The following NTNG1 variants were observed in gnomAD, a reference collection of about 807,000 sequenced individuals.
NTNG1 encodes netrin G1, also known as netrin-G1.
Under a neutral mutation model 54.0 loss-of-function variants are expected in NTNG1, and 16 were observed. That is an observed-to-expected ratio of 0.30 (90% CI 0.20 to 0.45). The LOEUF (loss-of-function observed/expected upper bound fraction) is 0.45, where lower values mean the gene tolerates loss of function less well. NTNG1 is among the 20% of genes least tolerant of loss of function. NTNG1 has a pLI of 1.00. For missense variants in NTNG1, 530 were observed against 678.7 expected (o/e 0.78, Z 2.43); for synonymous variants, 255 against 263.1 (o/e 0.97, Z 0.30).
intron 3 of NTNG1, among the ~76,000 whole-genome samples, chr1:107,381,056 G>C (rs568249086): frequency 3.8e-4 from 58 of 152,122 alleles, no homozygotes; most frequent in African/African-American, 1.4e-3. Flanking sequence ...CCTCTATATT[G>C]TGAGTATTAA....
intron 2 of NTNG1, among the ~76,000 whole-genome samples, chr1:107,180,228 C>G (rs10785815): frequency 0.78 from 118,073 of 152,096 alleles, 46,457 homozygotes; most frequent in Middle Eastern, 0.87. Context: ...ATTTTAGATA[C>G]GTATGGAGGT....
intron 2 of NTNG1, among the ~76,000 whole-genome samples, chr1:107,304,388 A>G (rs1256364957): frequency 1.3e-5 from 2 of 152,172 alleles, no homozygotes; most frequent in Middle Eastern, 3.2e-3. Flanking sequence ...AATCAGTTGT[A>G]ACTGAATTTG....
At chr1:107,357,146 GA>G (rs1458320420) in intron 3 of NTNG1, among the ~76,000 whole-genome samples, 3 of 152,144 alleles carry the variant, frequency 2.0e-5, no homozygotes, top group Non-Finnish European at 4.4e-5. Flanking sequence ...ACCCCAGTCA[GA>G]ATTGGCCCTG....
At chr1:107,265,741 T>C (rs1663691553) in intron 2 of NTNG1, among the ~76,000 whole-genome samples, 1 of 152,366 alleles carries the variant, frequency 6.6e-6, no homozygotes, top group South Asian at 2.1e-4. Context: ...TATTCAGTCA[T>C]GTTCCTCTTT....
At chr1:107,436,163 T>C (rs1433101934) in intron 6 of NTNG1, among the ~76,000 whole-genome samples, 1 of 152,208 alleles carries the variant, frequency 6.6e-6, no homozygotes, top group East Asian at 1.9e-4. Context: ...GGTATATGCA[T>C]GAATAAGTTA....
intron 3 of NTNG1, among the ~76,000 whole-genome samples, chr1:107,352,032 G>C (rs1417198866): frequency 6.6e-6 from 1 of 152,236 alleles, no homozygotes; most frequent in Non-Finnish European, 1.5e-5. Context: ...GTGGTGCAAG[G>C]GGTGGGCTCC....
chr1:107,297,212 C>A (rs905231340), intron 2 of NTNG1, among the ~76,000 whole-genome samples: 215 of 71,742 alleles, frequency 3.0e-3, no homozygotes, highest in East Asian at 0.017. Flanking sequence ...TATATATATA[C>A]CATCATATAT....
chr1:107,361,391 A>ATATATTTTTT (rs370815306), intron 3 of NTNG1, among the ~76,000 whole-genome samples: 34 of 87,976 alleles, frequency 3.9e-4, no homozygotes, highest in Non-Finnish European at 4.7e-4. Flanking sequence ...ATATATATAT[A>ATATATTTTTT]TTTTTTTTTT....
chr1:107,416,200 G>A (rs954200182), intron 5 of NTNG1, among the ~76,000 whole-genome samples: 1 of 151,964 alleles, frequency 6.6e-6, no homozygotes, highest in Non-Finnish European at 1.5e-5. Context: ...ATAAAATTTT[G>A]TCCCACTGGA....
At chr1:107,169,718 G>A (rs761108713) in intron 2 of NTNG1, among the ~76,000 whole-genome samples, 6 of 152,156 alleles carry the variant, frequency 3.9e-5, no homozygotes, top group East Asian at 1.9e-4. Flanking sequence ...CCCCCAGGAC[G>A]CCTTGCACTA....
chr1:107,292,282 C>T (rs1665656357), intron 2 of NTNG1, among the ~76,000 whole-genome samples: 1 of 152,120 alleles, frequency 6.6e-6, no homozygotes, highest in South Asian at 2.1e-4. Context: ...GAAAATTCGA[C>T]TGAGGGGCAT....
chr1:107,195,596 AACACACACACAGGCAGAC>A (rs1226056933), intron 2 of NTNG1, among the ~76,000 whole-genome samples: 1 of 151,466 alleles, frequency 6.6e-6, no homozygotes, highest in Non-Finnish European at 1.5e-5. Context: ...TGACTTCCTA[AACACACACACAGGCAGAC>A]ACACACACAC....
intron 2 of NTNG1, among the ~76,000 whole-genome samples, chr1:107,154,694 C>T (rs1378752227): frequency 5.5e-5 from 8 of 146,224 alleles, no homozygotes; most frequent in Non-Finnish European, 9.0e-5. Context: ...TAGACTTCTT[C>T]TTCTATCTGG....
At chr1:107,191,853 A>G (rs923262392) in intron 2 of NTNG1, among the ~76,000 whole-genome samples, 46 of 152,078 alleles carry the variant, frequency 3.0e-4, no homozygotes, top group African/African-American at 1.1e-3. Flanking sequence ...GTTTGAAGTC[A>G]GGTAGCATGA....
chr1:107,282,935 C>A (rs1348364568), intron 2 of NTNG1, among the ~76,000 whole-genome samples: 1 of 152,098 alleles, frequency 6.6e-6, no homozygotes, highest in Non-Finnish European at 1.5e-5. Context: ...TAGATGATAC[C>A]TTCTTACTGT....
At chr1:107,380,475 A>C (rs1013368595) in intron 3 of NTNG1, among the ~76,000 whole-genome samples, 1 of 152,152 alleles carries the variant, frequency 6.6e-6, no homozygotes, top group Non-Finnish European at 1.5e-5. Context: ...TAAAATAGGG[A>C]TAGTGATACT....
chr1:107,394,652 G>C (rs1434772652), intron 3 of NTNG1, among the ~76,000 whole-genome samples: 2 of 152,024 alleles, frequency 1.3e-5, no homozygotes, highest in Admixed American at 6.6e-5. Flanking sequence ...ATAATTTCTT[G>C]GGTTTCTAAG....
At chr1:107,354,221 A>G (rs1669801540) in intron 3 of NTNG1, among the ~76,000 whole-genome samples, 1 of 152,122 alleles carries the variant, frequency 6.6e-6, no homozygotes, top group African/African-American at 2.4e-5. Flanking sequence ...CTGTAATCCC[A>G]GCACTTTGGG....
At chr1:107,334,746 C>G (rs2101906920) in intron 3 of NTNG1, among the ~76,000 whole-genome samples, 1 of 152,110 alleles carries the variant, frequency 6.6e-6, no homozygotes, top group Non-Finnish European at 1.5e-5. Context: ...TCAGTTTACT[C>G]ACTGATCTGC....
Sources: allele counts gnomAD v4.1 joint callset (sites outside exome capture counted in the v4.1 genomes callset), GRCh38; gene constraint gnomAD v4.1.1; transcripts MANE v1.5; gene names NCBI Gene and HGNC (gene_info 2026-07-23, HGNC 2026-07-21).